Variants in MTMR10 observed in about 807,000 individuals in gnomAD.
The protein encoded by MTMR10 is myotubularin related protein 10.
In MTMR10, 56 loss-of-function variants were observed where a neutral mutation model predicts 88.1. That is an observed-to-expected ratio of 0.64 (90% CI 0.51 to 0.79). MTMR10 has a LOEUF of 0.79. MTMR10 is among the 30% of genes least tolerant of loss of function. The pLI, the probability that MTMR10 is intolerant of heterozygous loss-of-function variation, is 0.00. For synonymous variants in MTMR10, 380 were observed against 340.9 expected (o/e 1.11, Z -1.26); for missense variants, 883 against 924.7 (o/e 0.95, Z 0.58).
At chr15:30,928,574 C>A in the MTMR10 span, 3 of 1,610,312 alleles carry the variant, frequency 1.9e-6, no homozygotes, top group Non-Finnish European at 2.5e-6. Context: ...GAAGGGTCCA[C>A]CTTCAGCACC....
intron 5 of MTMR10, among the ~76,000 whole-genome samples, chr15:30,972,580 G>A (rs377090074): frequency 3.3e-5 from 5 of 152,208 alleles, no homozygotes; most frequent in African/African-American, 1.2e-4. Flanking sequence ...GGGATATTCT[G>A]AATTTCCACA....
intron 6 of MTMR10, among the ~76,000 whole-genome samples, chr15:30,963,178 A>T (rs2063425772): frequency 6.6e-6 from 1 of 152,196 alleles, no homozygotes; most frequent in African/African-American, 2.4e-5. Flanking sequence ...CATTTCAAGT[A>T]CTTAACAGCC....
chr15:30,972,361 T>A (rs1000380068), intron 5 of MTMR10, among the ~76,000 whole-genome samples: 1 of 152,126 alleles, frequency 6.6e-6, no homozygotes, highest in Non-Finnish European at 1.5e-5. Context: ...TCTCATTGCA[T>A]CTATTTTTTT....
Position 30,952,010 on chromosome 15 carries a change from C to T in MTMR10, c.1165G>A (p.Val389Ile). 2 of 1,613,848 alleles carry T rather than the reference C, an allele frequency of 1.2e-6. No homozygotes were observed. The highest frequency in any genetic ancestry group is 1.7e-6 in the Non-Finnish European group (2 of 1,179,784). Residue 389 changes from valine (V) to isoleucine (I), a missense_variant, in exon 12 of 16, where the codon GTA (valine) becomes ATA (isoleucine). Coordinates refer to ENST00000435680, the MANE Select transcript of MTMR10 (RefSeq NM_017762.3). ...AGATGTTTGCTTTCTAGCATGTATA[C>T]AAGTTCTGCTGAATGCTTAAGGAAT... ...RAFLKHSAEL[V>I]YMLESKHLSV...
At chr15:30,935,632 G>T (rs1298323889), downstream of MTMR10, among the ~76,000 whole-genome samples, 1 of 152,196 alleles carries the variant, frequency 6.6e-6, no homozygotes, top group Admixed American at 6.5e-5. Flanking sequence ...ATGGATTTTG[G>T]TAACAGAGGG....
intron 2 of MTMR10, among the ~76,000 whole-genome samples, chr15:30,978,716 A>T (rs1281410866): frequency 6.6e-6 from 1 of 152,218 alleles, no homozygotes; most frequent in Non-Finnish European, 1.5e-5. Flanking sequence ...CTTTCCTAAG[A>T]TCTTAAAAAG....
At chr15:30,950,059 T>TTAACTA (rs1555407458) in intron 12 of MTMR10, 1 of 151,546 alleles carries the variant, frequency 6.6e-6, no homozygotes, top group Non-Finnish European at 1.5e-5. Flanking sequence ...TGTAAATTTT[T>TTAACTA]AACAAACTGT....
At chr15:30,929,498 A>AC in the MTMR10 span, 1 of 719,156 alleles carries the variant, frequency 1.4e-6, no homozygotes, top group Non-Finnish European at 2.3e-6. Flanking sequence ...GTGTATATGT[A>AC]AATACATGTA....
chr15:30,991,124 G>A (rs568618912), intron 1 of MTMR10: 53 of 513,658 alleles, frequency 1.0e-4, no homozygotes, highest in African/African-American at 9.8e-4. Context: ...TCATGCTGGC[G>A]GTCATACGAG....
chr15:30,955,438 A>T (rs915873897), intron 9 of MTMR10, among the ~76,000 whole-genome samples: 3 of 151,930 alleles, frequency 2.0e-5, no homozygotes, highest in Non-Finnish European at 2.9e-5. Flanking sequence ...ACCTGGCTAA[A>T]TTTCTGTATT....
intron 9 of MTMR10, among the ~76,000 whole-genome samples, chr15:30,955,991 C>T (rs1248344737): frequency 9.1e-5 from 9 of 98,510 alleles, no homozygotes; most frequent in Non-Finnish European, 1.3e-4. Flanking sequence ...CAAAACAAAA[C>T]CCTGCTGTTG....
At chr15:30,965,346 T>C (rs745694944) in intron 6 of MTMR10, among the ~76,000 whole-genome samples, 1 of 152,202 alleles carries the variant, frequency 6.6e-6, no homozygotes, top group Non-Finnish European at 1.5e-5. Context: ...TGATGTGAAA[T>C]TTCATTACAA....
At position 30,940,328 on chromosome 15, in the gene MTMR10, C is replaced by G. The variant is rs2062998815; in HGVS notation, c.*1142G>C. 2.0e-6 allele frequency: 2 copies of G among 985,274 alleles called. No individual in the cohort carries two copies. The highest frequency in any genetic ancestry group is 3.5e-5 in the African/African-American group (2 of 57,228). The allele number at this position is 985,274 out of a possible 1,614,324, so 61.0% of individuals were successfully genotyped here. A position where few individuals can be genotyped will look rare whatever the true frequency, so the allele number is the denominator to read the frequency against. ...GCAAACAACTGTGTCTGCTCATTCT[C>G]CTCAACTTTGCTGTCCAAAGTTGGG... On this transcript the variant is annotated 3_prime_UTR_variant, in exon 16 of 16. Transcript: ENST00000435680.
chr15:30,991,249 G>A (rs1276500097), intron 1 of MTMR10, 198 bp downstream of exon 1: 8 of 522,056 alleles, frequency 1.5e-5, no homozygotes, highest in Middle Eastern at 9.9e-4. Context: ...GGCTGCAGAA[G>A]AGTTTTACAA....
chr15:30,948,399 G>T lies in MTMR10; in HGVS notation c.1280C>A (p.Thr427Lys). The T allele has an allele frequency of 6.2e-7, 1 of 1,613,290 alleles. No individual in the cohort carries two copies. The highest frequency in any genetic ancestry group is 1.3e-5 in the African/African-American group (1 of 74,974). ...VQVMLDPYFRTITGFQSLIQK... is the reference protein window; with the variant it reads ...VQVMLDPYFRKITGFQSLIQK... Reference sequence around the variant, plus strand: ...TATCAGACTCTGAAATCCAGTAATTGTCCTAAAATAGGGATCCAGCATCAC... The same window carrying T: ...TATCAGACTCTGAAATCCAGTAATTTTCCTAAAATAGGGATCCAGCATCAC... The change falls in exon 13 of 16, where the codon ACA (threonine) becomes AAA (lysine). Residue 427 changes from threonine to lysine, a missense_variant. Coordinates refer to ENST00000435680, the MANE Select transcript of MTMR10 (RefSeq NM_017762.3).
chr15:30,929,904 AAATATAT>A, the MTMR10 span, among the ~76,000 whole-genome samples: 8 of 76,592 alleles, frequency 1.0e-4, 2 homozygotes, highest in Non-Finnish European at 1.4e-4. Context: ...ATAATATATA[AAATATAT>A]AATATATATC....
At chr15:30,937,957 A>G (rs537583388), downstream of MTMR10, among the ~76,000 whole-genome samples, 5 of 151,206 alleles carry the variant, frequency 3.3e-5, no homozygotes, top group Admixed American at 6.6e-5. Flanking sequence ...TGAGCGAGGC[A>G]GGCGCATCAT....
At position 30,940,328 on chromosome 15, in the gene MTMR10, C is replaced by A; in HGVS notation, c.*1142G>T. ...GCAAACAACTGTGTCTGCTCATTCT[C>A]CTCAACTTTGCTGTCCAAAGTTGGG... On this transcript the variant is annotated 3_prime_UTR_variant, in exon 16 of 16. Transcript: ENST00000435680. 1 of 985,392 alleles carries A rather than the reference C, an allele frequency of 1.0e-6. No homozygotes were observed. Among genetic ancestry groups the A allele is most frequent in the Non-Finnish European group, 1.2e-6 (1 of 829,906 alleles). The allele number at this position is 985,392 out of a possible 1,614,324, so 61.0% of individuals were successfully genotyped here.
chr15:30,971,404 G>C (rs2063536382), intron 5 of MTMR10, among the ~76,000 whole-genome samples: 1 of 152,200 alleles, frequency 6.6e-6, no homozygotes, highest in Middle Eastern at 3.4e-3. Flanking sequence ...TCAAATCCAG[G>C]AAACACTCAA....
Sources: gnomAD v4.1 joint callset for allele counts (sites outside exome capture counted in the v4.1 genomes callset) on GRCh38, gnomAD v4.1.1 for gene constraint, MANE v1.5 for transcripts, NCBI Gene and HGNC (gene_info 2026-07-23, HGNC 2026-07-21) for gene names.